The following TNFRSF19 variants were observed in gnomAD, a reference collection of about 807,000 sequenced individuals.
TNFRSF19 encodes tumor necrosis factor receptor superfamily member 19.
In TNFRSF19, 27 loss-of-function variants were observed where a neutral mutation model predicts 46.4. That is an observed-to-expected ratio of 0.58 (90% CI 0.43 to 0.80). TNFRSF19 has a LOEUF of 0.80. Among genes scored for constraint, TNFRSF19 ranks in the 30% least tolerant of loss-of-function variants. The pLI is 0.00. For missense variants in TNFRSF19, 511 were observed against 530.8 expected (o/e 0.96, Z 0.37); for synonymous variants, 204 against 205.0 (o/e 1.00, Z 0.04).
intron 4 of TNFRSF19, among the ~76,000 whole-genome samples, chr13:23,622,012 C>A (rs1295893358): frequency 1.3e-5 from 2 of 151,992 alleles, no homozygotes; most frequent in Non-Finnish European, 2.9e-5. Flanking sequence ...GCTCTCAGAG[C>A]TAGGTCTGAG....
At chr13:23,658,909 G>A in intron 5 of TNFRSF19, 141 bp from the exon 6 acceptor site, 2 of 1,010,694 alleles carry the variant, frequency 2.0e-6, no homozygotes, top group African/African-American at 1.6e-5. Context: ...GGTGGAGGGG[G>A]TGCTTGAGCC....
chr13:23,607,300 G>T (rs1484360758), intron 3 of TNFRSF19, among the ~76,000 whole-genome samples: 3 of 152,048 alleles, frequency 2.0e-5, no homozygotes, highest in Non-Finnish European at 4.4e-5. Flanking sequence ...CAGGTGTGGT[G>T]GTGGGCGCCT....
intron 3 of TNFRSF19, among the ~76,000 whole-genome samples, chr13:23,613,326 C>T (rs1472782844): frequency 6.6e-6 from 1 of 152,224 alleles, no homozygotes; most frequent in Non-Finnish European, 1.5e-5. Flanking sequence ...CCCCATCTCA[C>T]AGATGAAGAG....
At chr13:23,603,530 C>A (rs539410095) in intron 3 of TNFRSF19, among the ~76,000 whole-genome samples, 1 of 152,032 alleles carries the variant, frequency 6.6e-6, no homozygotes, top group East Asian at 1.9e-4. Flanking sequence ...AACTATAGAC[C>A]AATATCTCTC....
At chr13:23,580,632 A>C (rs1445215264) in intron 1 of TNFRSF19, among the ~76,000 whole-genome samples, 1 of 152,248 alleles carries the variant, frequency 6.6e-6, no homozygotes, top group Non-Finnish European at 1.5e-5. Context: ...GGCAGTGCTT[A>C]TTATCTAATT....
chr13:23,583,261 A>C (rs1156942296), intron 1 of TNFRSF19, among the ~76,000 whole-genome samples: 1 of 152,208 alleles, frequency 6.6e-6, no homozygotes, highest in Non-Finnish European at 1.5e-5. Context: ...AGGCCATAAT[A>C]GTTCATTGTG....
At chr13:23,590,314 A>G in intron 2 of TNFRSF19, 62 bp downstream of exon 2, 1 of 983,130 alleles carries the variant, frequency 1.0e-6, no homozygotes, top group South Asian at 1.5e-5. Flanking sequence ...ACTAATAAGT[A>G]GTAGGAGTAC....
chr13:23,622,277 C>T (rs892372653), intron 4 of TNFRSF19, among the ~76,000 whole-genome samples: 18 of 149,512 alleles, frequency 1.2e-4, no homozygotes, highest in African/African-American at 4.2e-4. Flanking sequence ...GCATGGTAAA[C>T]GGGTGCCTGT....
At chr13:23,672,769 C>G (rs927804861) in intron 9 of TNFRSF19, among the ~76,000 whole-genome samples, 5 of 152,130 alleles carry the variant, frequency 3.3e-5, no homozygotes, top group Non-Finnish European at 5.9e-5. Flanking sequence ...ACGTCAGTGC[C>G]CTTTGTGATG....
intron 5 of TNFRSF19, among the ~76,000 whole-genome samples, chr13:23,638,744 G>A (rs1285967258): frequency 6.6e-6 from 1 of 152,072 alleles, no homozygotes; most frequent in Non-Finnish European, 1.5e-5. Flanking sequence ...TACTGCCTTA[G>A]TTTCTCTCCC....
chr13:23,631,353 G>A (rs191956780), intron 5 of TNFRSF19, among the ~76,000 whole-genome samples: 129 of 152,284 alleles, frequency 8.5e-4, no homozygotes, highest in Admixed American at 2.3e-3. Context: ...TTGAAAAGAT[G>A]AGCATAATTA....
Position 23,674,888 on chromosome 13 carries a change from T to C in TNFRSF19, c.*1508T>C, listed in dbSNP as rs1248474938. The C allele has an allele frequency of 6.6e-6, 1 of 152,220 alleles. No individual in the cohort carries two copies. Among genetic ancestry groups the C allele is most frequent in the African/African-American group, 2.4e-5 (1 of 41,452 alleles). 9.4% of individuals were successfully genotyped at this position (152,220 alleles called of 1,614,324 possible). The stretch of plus-strand genomic sequence containing the variant: ...CAGATTAGTAAAATTTAATGAGCCC[T>C]CTTTCTTGTGGCCGTTTCTCCATAG... On this transcript the variant is annotated 3_prime_UTR_variant, in exon 10 of 10. Transcript: ENST00000248484.
At chr13:23,605,410 C>T (rs1880443591) in intron 3 of TNFRSF19, among the ~76,000 whole-genome samples, 1 of 152,150 alleles carries the variant, frequency 6.6e-6, no homozygotes. Flanking sequence ...TTGGCAGTGT[C>T]TTACAAAACT....
At chr13:23,633,771 C>T (rs572073475) in intron 5 of TNFRSF19, among the ~76,000 whole-genome samples, 70 of 152,300 alleles carry the variant, frequency 4.6e-4, no homozygotes, top group Non-Finnish European at 7.6e-4. Flanking sequence ...ATCACTTGAA[C>T]GCGGGAGGCG....
Position 23,668,785 on chromosome 13 carries a change from G to T in TNFRSF19, c.933G>T (p.Met311Ile), listed in dbSNP as rs1951698944. ...AGTTTTCAGATGCCTGGCCTCTGAT[G>T]CAGAATCCCATGGGTGGTGACAACA... is the stretch of plus-strand genomic sequence containing the variant. ...CGEFSDAWPL[M>I]QNPMGGDNIS... Residue 311 changes from methionine (M) to isoleucine (I), a missense_variant, in exon 9 of 10, where the codon ATG becomes ATT. By Grantham distance (10) the Met-to-Ile change is conservative. This residue lies in a region of TNFRSF19 where 376 missense variants were observed against 372.7 expected (regional missense o/e 1.01). Coordinates refer to ENST00000248484, the MANE Select transcript of TNFRSF19 (RefSeq NM_148957.4). The T allele has an allele frequency of 1.2e-6, 2 of 1,614,132 alleles. No homozygotes were observed. Among genetic ancestry groups the T allele is most frequent in the Non-Finnish European group, 1.7e-6 (2 of 1,180,048 alleles).
intron 1 of TNFRSF19, among the ~76,000 whole-genome samples, chr13:23,582,395 C>T (rs570173190): frequency 2.6e-5 from 4 of 151,234 alleles, no homozygotes; most frequent in Admixed American, 2.0e-4. Flanking sequence ...TGCGAGACTC[C>T]GTCTCAAAAA....
chr13:23,620,402 T>G (rs1374789596), intron 4 of TNFRSF19, among the ~76,000 whole-genome samples: 1 of 152,168 alleles, frequency 6.6e-6, no homozygotes, highest in African/African-American at 2.4e-5. Context: ...CACCAGCTGC[T>G]TCCCTCTCAG....
intron 3 of TNFRSF19, among the ~76,000 whole-genome samples, chr13:23,613,821 A>G (rs1881065210): frequency 1.3e-5 from 2 of 152,184 alleles, no homozygotes; most frequent in African/African-American, 4.8e-5. Context: ...CTCAGCAAAA[A>G]CACAGCTGTC....
chr13:23,606,297 A>G (rs1482262039), intron 3 of TNFRSF19, among the ~76,000 whole-genome samples: 9 of 152,042 alleles, frequency 5.9e-5, no homozygotes, highest in Non-Finnish European at 1.0e-4. Flanking sequence ...CAACCAGAAC[A>G]TTTCTGCCTT....
Sources: gnomAD v4.1 joint callset for allele counts (sites outside exome capture counted in the v4.1 genomes callset) on GRCh38, gnomAD v4.1.1 for gene constraint, gnomAD v4.1.1 regional missense constraint, MANE v1.5 for transcripts, NCBI Gene and HGNC (gene_info 2026-07-23, HGNC 2026-07-21) for gene names.